Variants in SYTL3 observed in about 807,000 individuals in gnomAD.
SYTL3 encodes the protein synaptotagmin like 3, also known as synaptotagmin-like protein 3.
In SYTL3, 88 loss-of-function variants were observed where a neutral mutation model predicts 82.1. The ratio of observed to expected loss-of-function variants is 1.07; its 90% CI spans 0.90 to 1.28. The LOEUF is 1.28. Ranked by LOEUF, SYTL3 falls within the 50% of genes most tolerant of loss-of-function variation. The probability of loss-of-function intolerance (pLI) is 0.00; values close to 1 mark genes in which losing one functional copy is unlikely to be tolerated. For synonymous variants in SYTL3, 311 were observed against 289.4 expected, an observed-to-expected ratio of 1.07 and a Z score of -0.76; for missense variants, 831 against 757.6, an observed-to-expected ratio of 1.10 and a Z score of -1.14.
intron 13 of SYTL3, among the ~76,000 whole-genome samples, chr6:158,756,719 A>AT (rs758259824): frequency 0.028 from 1,359 of 48,604 alleles, 18 homozygotes; most frequent in African/African-American, 0.046. Flanking sequence ...TCAAAAAAAA[A>AT]TTTTTTTTTT....
chr6:158,711,050 G>T (rs1782711458), intron 8 of SYTL3, among the ~76,000 whole-genome samples: 1 of 152,142 alleles, frequency 6.6e-6, no homozygotes, highest in Non-Finnish European at 1.5e-5. Context: ...AAAGCGCTGG[G>T]GTTACAGGCG....
At chr6:158,730,839 A>G (rs1785310098) in intron 11 of SYTL3, among the ~76,000 whole-genome samples, 1 of 151,266 alleles carries the variant, frequency 6.6e-6, no homozygotes, top group Admixed American at 6.6e-5. Flanking sequence ...GCGGTAAAGC[A>G]TTCCTTAGGA....
intron 11 of SYTL3, among the ~76,000 whole-genome samples, chr6:158,738,285 C>G (rs1042920686): frequency 2.0e-5 from 3 of 152,194 alleles, no homozygotes; most frequent in African/African-American, 4.8e-5. Context: ...CACACCTCCT[C>G]CAGTCTTTTC....
chr6:158,648,463 C>T (rs1228244452), upstream of SYTL3, among the ~76,000 whole-genome samples: 2 of 140,054 alleles, frequency 1.4e-5, no homozygotes, highest in Admixed American at 7.2e-5. Flanking sequence ...CGGTGGTGGG[C>T]GCCTGTAGTC....
chr6:158,649,691 T>G (rs182571959), upstream of SYTL3, among the ~76,000 whole-genome samples: 60 of 152,352 alleles, frequency 3.9e-4, no homozygotes, highest in African/African-American at 1.4e-3. Flanking sequence ...CTTTGAGATG[T>G]GGTTAGTCAT....
At chr6:158,661,181 C>T (rs117838272) in intron 2 of SYTL3, 88 bp from the exon 3 acceptor site, 1,938 of 152,396 alleles carry the variant, frequency 0.013, 22 homozygotes, top group Middle Eastern at 0.027. Flanking sequence ...AGAATGGGCT[C>T]GTGCAGTTGG....
rs1377925510 is a variant in SYTL3, at chr6:158,749,505, CTCTTTTTTT to C, written c.1035-2421_1035-2413del. Among the ~76,000 whole-genome samples, 408 of 94,332 alleles carry C rather than the reference CTCTTTTTTT, an allele frequency of 4.3e-3. 2 individuals carry two copies. The highest frequency in any genetic ancestry group is 0.015 in the African/African-American group (379 of 25,270). 61.9% of individuals were successfully genotyped at this position (94,332 alleles called of 152,430 possible). On this transcript the variant is annotated intron_variant, in intron 12 of 17. Coordinates refer to ENST00000611299, the MANE Select transcript of SYTL3 (RefSeq NM_001242394.2). ...GAAATGAACACCTTCTTTTCTTTCT[CTCTTTTTTT>C]TTTTTTTTTTTTTTTTTTAAGAAAT...
chr6:158,704,870 CAGTG>C (rs1417001195), intron 6 of SYTL3, among the ~76,000 whole-genome samples: 6 of 109,238 alleles, frequency 5.5e-5, no homozygotes, highest in African/African-American at 2.2e-4. Context: ...GGCAGGGTGA[CAGTG>C]AGGGCTGTAA....
intron 14 of SYTL3, among the ~76,000 whole-genome samples, chr6:158,759,061 C>T (rs763578074): frequency 2.0e-5 from 3 of 152,194 alleles, no homozygotes; most frequent in Non-Finnish European, 2.9e-5. Context: ...GAGGCTGAAT[C>T]CCCCGTGCAC....
At chr6:158,710,622 T>A (rs182289665) in intron 8 of SYTL3, among the ~76,000 whole-genome samples, 28 of 152,286 alleles carry the variant, frequency 1.8e-4, no homozygotes, top group Middle Eastern at 3.4e-3. Context: ...TAGCAAACTG[T>A]GCTGTGTGTG....
chr6:158,757,203 C>T lies in SYTL3; in HGVS notation c.1138-8C>T. On this transcript the variant is annotated splice_region_variant and splice_polypyrimidine_tract_variant and intron_variant, in intron 13 of 17. Transcript: ENST00000611299. ...GCCCAGCTGACCATCTCTTCCTTGCCTCTGCAGTATCAGGTGGCCCCTGCC... is the reference window on the plus strand; with the variant it reads ...GCCCAGCTGACCATCTCTTCCTTGCTTCTGCAGTATCAGGTGGCCCCTGCC... 1 of 1,607,266 alleles carries T rather than the reference C, an allele frequency of 6.2e-7. No individual in the cohort carries two copies. The highest frequency in any genetic ancestry group is 8.5e-7 in the Non-Finnish European group (1 of 1,179,470).
chr6:158,654,208 G>C (rs970256959), intron 2 of SYTL3, among the ~76,000 whole-genome samples: 1 of 152,148 alleles, frequency 6.6e-6, no homozygotes, highest in Non-Finnish European at 1.5e-5. Context: ...CTTGCCTTCT[G>C]ATCCTTGGGT....
chr6:158,674,632 G>A (rs1777822532), intron 5 of SYTL3, among the ~76,000 whole-genome samples: 1 of 152,218 alleles, frequency 6.6e-6, no homozygotes, highest in Non-Finnish European at 1.5e-5. Context: ...TACAGGGAGA[G>A]GACAGGTCGG....
chr6:158,749,324 G>T (rs1788062886), intron 12 of SYTL3, among the ~76,000 whole-genome samples: 1 of 146,572 alleles, frequency 6.8e-6, no homozygotes, highest in Admixed American at 6.8e-5. Context: ...GCCCAGGAGG[G>T]CTGTGATTGT....
intron 3 of SYTL3, among the ~76,000 whole-genome samples, chr6:158,662,122 T>C (rs185139396): frequency 6.6e-6 from 1 of 152,032 alleles, no homozygotes; most frequent in Non-Finnish European, 1.5e-5. Context: ...ATAATGCAGA[T>C]TTTTTTTGAA....
chr6:158,682,868 A>C, intron 5 of SYTL3, 57 bp from the exon 6 acceptor site: 2 of 1,353,936 alleles, frequency 1.5e-6, no homozygotes, highest in Non-Finnish European at 2.1e-6. Flanking sequence ...AAAGGGGTAA[A>C]TATAGCACTA....
At chr6:158,760,609 C>T (rs1475471940) in intron 14 of SYTL3, 31 bp from the exon 15 acceptor site, 3 of 1,588,872 alleles carry the variant, frequency 1.9e-6, no homozygotes, top group African/African-American at 2.7e-5. Flanking sequence ...CTTGGGGAAT[C>T]CTGTCCCTAA....
intron 5 of SYTL3, among the ~76,000 whole-genome samples, chr6:158,674,745 T>A (rs991325238): frequency 6.6e-6 from 1 of 152,204 alleles, no homozygotes; most frequent in Non-Finnish European, 1.5e-5. Flanking sequence ...TTATCTGATA[T>A]AACAGACCAG....
chr6:158,694,059 A>G (rs1165887252), intron 6 of SYTL3, among the ~76,000 whole-genome samples: 1 of 152,020 alleles, frequency 6.6e-6, no homozygotes. Context: ...CCTTAAGAGG[A>G]AAGATAAACA....
Sources: allele counts gnomAD v4.1 joint callset (sites outside exome capture counted in the v4.1 genomes callset), GRCh38; gene constraint gnomAD v4.1.1; transcripts MANE v1.5; gene names NCBI Gene and HGNC (gene_info 2026-07-23, HGNC 2026-07-21).